The following IFT80 variants were observed in gnomAD, a reference collection of about 807,000 sequenced individuals.
The protein encoded by IFT80 is intraflagellar transport 80.
IFT80 carries 79 observed loss-of-function variants against 107.9 expected under a neutral mutation model. The ratio of observed to expected loss-of-function variants is 0.73; its 90% CI spans 0.61 to 0.88. The LOEUF (loss-of-function observed/expected upper bound fraction) is 0.88, where lower values mean the gene tolerates loss of function less well. IFT80 is among the 40% of genes least tolerant of loss of function. The pLI is 0.00. For missense variants in IFT80, 797 were observed against 914.2 expected (o/e 0.87, Z 1.65); for synonymous variants, 299 against 300.9 (o/e 0.99, Z 0.07).
chr3:160,280,921 T>G (rs1273691643), intron 14 of IFT80, 107 bp from the exon 15 acceptor site: 2 of 937,054 alleles, frequency 2.1e-6, no homozygotes, highest in East Asian at 2.6e-5. Flanking sequence ...TTCTGGTAGA[T>G]ATGACTCTAC....
At chr3:160,322,715 A>G (rs1189536774) in intron 8 of IFT80, among the ~76,000 whole-genome samples, 1 of 152,158 alleles carries the variant, frequency 6.6e-6, no homozygotes, top group Admixed American at 6.5e-5. Flanking sequence ...CTGACTTTTT[A>G]ATGATTGCCA....
chr3:160,386,440 AGAT>A (rs1398996321), intron 1 of IFT80, among the ~76,000 whole-genome samples: 2 of 152,300 alleles, frequency 1.3e-5, no homozygotes, highest in African/African-American at 4.8e-5. Flanking sequence ...GGTTGGGTTT[AGAT>A]AATAGAAAGA....
intron 8 of IFT80, among the ~76,000 whole-genome samples, chr3:160,338,520 T>C (rs868486744): frequency 2.0e-5 from 3 of 151,996 alleles, no homozygotes; most frequent in African/African-American, 7.2e-5. Flanking sequence ...TATTCCCAGC[T>C]ACTCAGGAGG....
intron 8 of IFT80, among the ~76,000 whole-genome samples, chr3:160,322,932 A>G (rs1017669388): frequency 7.2e-5 from 11 of 151,764 alleles, no homozygotes; most frequent in Non-Finnish European, 1.5e-4. Context: ...GATTCTGGAT[A>G]TTAGCCCTTT....
intron 18 of IFT80, among the ~76,000 whole-genome samples, chr3:160,276,264 C>T (rs1187385838): frequency 6.6e-6 from 1 of 151,702 alleles, no homozygotes; most frequent in Admixed American, 6.6e-5. Context: ...AATAGAGTAG[C>T]TAAATTATAT....
Position 160,299,776 on chromosome 3 carries a change from C to T in IFT80, c.1315+1107G>A, listed in dbSNP as rs1716271144. ...ATTGTTCACTCTCATCCCTGCTTGGCTGTCTAAGAAAGATTTAAACATACC... is the reference window on the plus strand; with the variant it reads ...ATTGTTCACTCTCATCCCTGCTTGGTTGTCTAAGAAAGATTTAAACATACC... On this transcript the variant is annotated intron_variant, in intron 12 of 19. Transcript: ENST00000326448. Among the ~76,000 whole-genome samples the T allele has an allele frequency of 2.6e-5, 4 of 152,154 alleles. No individual in the cohort carries two copies. The South Asian group carries it at 8.3e-4, about 32-fold the overall frequency.
At chr3:160,355,948 C>G in intron 8 of IFT80, 65 bp downstream of exon 8, 4 of 1,555,570 alleles carry the variant, frequency 2.6e-6, no homozygotes, top group Non-Finnish European at 3.5e-6. Flanking sequence ...GACTGAGAAC[C>G]ATGTGTGTTG....
chr3:160,347,184 G>C (rs1224973420), intron 8 of IFT80, among the ~76,000 whole-genome samples: 2 of 152,094 alleles, frequency 1.3e-5, no homozygotes, highest in Non-Finnish European at 2.9e-5. Flanking sequence ...CCAGAACCCA[G>C]GTTGCCATCA....
chr3:160,282,413 T>C (rs530420196), intron 14 of IFT80, 65 bp downstream of exon 14: 1 of 1,115,822 alleles, frequency 9.0e-7, no homozygotes, highest in African/African-American at 1.6e-5. Context: ...TCATTCAAAT[T>C]ATTTATTACA....
chr3:160,311,270 G>T (rs1475164211), intron 9 of IFT80, among the ~76,000 whole-genome samples: 1 of 152,120 alleles, frequency 6.6e-6, no homozygotes, highest in Non-Finnish European at 1.5e-5. Flanking sequence ...TAAATAATAA[G>T]AAGTTGTTTC....
At chr3:160,310,125 A>G (rs1717137318) in intron 9 of IFT80, among the ~76,000 whole-genome samples, 1 of 152,224 alleles carries the variant, frequency 6.6e-6, no homozygotes, top group Non-Finnish European at 1.5e-5. Context: ...TGGTCTATAA[A>G]TAACATTTCC....
chr3:160,258,906 G>T (rs1030640111), intron 19 of IFT80, among the ~76,000 whole-genome samples: 1 of 151,998 alleles, frequency 6.6e-6, no homozygotes. Flanking sequence ...ACAACATCCT[G>T]GGCAACATGG....
intron 13 of IFT80, among the ~76,000 whole-genome samples, chr3:160,285,101 G>A (rs1213156868): frequency 1.3e-5 from 2 of 152,080 alleles, no homozygotes; most frequent in Admixed American, 1.3e-4. Flanking sequence ...AACTTTGGGG[G>A]TCTGAGGCGA....
intron 4 of IFT80, among the ~76,000 whole-genome samples, chr3:160,376,546 C>T (rs1712042073): frequency 6.6e-6 from 1 of 152,168 alleles, no homozygotes; most frequent in South Asian, 2.1e-4. Flanking sequence ...AAAACACATC[C>T]TCAAATTCTT....
At chr3:160,282,420 T>C in intron 14 of IFT80, 58 bp downstream of exon 14, 1 of 1,153,530 alleles carries the variant, frequency 8.7e-7, no homozygotes, top group Non-Finnish European at 1.3e-6. Flanking sequence ...AATTATTTAT[T>C]ACAGCAAATA....
At chr3:160,364,155 T>C (rs935727846) in intron 6 of IFT80, among the ~76,000 whole-genome samples, 2 of 151,882 alleles carry the variant, frequency 1.3e-5, no homozygotes, top group Admixed American at 1.3e-4. Context: ...TAAACAAATT[T>C]ATAAGAAAAA....
chr3:160,341,136 G>C (rs1719862859), intron 8 of IFT80, among the ~76,000 whole-genome samples: 1 of 151,912 alleles, frequency 6.6e-6, no homozygotes, highest in African/African-American at 2.4e-5. Context: ...CTCTTGAGTA[G>C]CTACAACTAC....
intron 11 of IFT80, among the ~76,000 whole-genome samples, chr3:160,301,415 C>T (rs926241143): frequency 6.6e-6 from 1 of 151,572 alleles, no homozygotes; most frequent in Admixed American, 6.6e-5. Flanking sequence ...ATTTTAATGC[C>T]GGGTGCTATT....
At chr3:160,279,621 A>T (rs1018904613) in intron 15 of IFT80, among the ~76,000 whole-genome samples, 3 of 152,206 alleles carry the variant, frequency 2.0e-5, no homozygotes, top group African/African-American at 7.2e-5. Flanking sequence ...AAGTAGCAAA[A>T]ATTATTACAT....
Sources: gnomAD v4.1 joint callset for allele counts (sites outside exome capture counted in the v4.1 genomes callset) on GRCh38, gnomAD v4.1.1 for gene constraint, MANE v1.5 for transcripts, NCBI Gene and HGNC (gene_info 2026-07-23, HGNC 2026-07-21) for gene names.